Variants in IPO11 observed in about 807,000 individuals in gnomAD.
The protein encoded by IPO11 is importin-11.
In IPO11, 66 loss-of-function variants were observed where a neutral mutation model predicts 143.2. The observed-to-expected ratio is 0.46, with a 90% CI of 0.38 to 0.57. The LOEUF is 0.57. Ranked by LOEUF, IPO11 falls within the 20% of genes least tolerant of loss-of-function variation. The pLI is 0.00. For missense variants in IPO11, 1,026 were observed against 1,141.0 expected (o/e 0.90, Z 1.45); for synonymous variants, 385 against 377.8 (o/e 1.02, Z -0.22).
chr5:62,536,676 T>A (rs757919232), intron 22 of IPO11, 26 bp from the exon 23 acceptor site: 6 of 1,570,092 alleles, frequency 3.8e-6, no homozygotes, highest in Non-Finnish European at 5.1e-6. Flanking sequence ...ATTTGGTTTT[T>A]TGTTTGACAT....
intron 1 of IPO11, among the ~76,000 whole-genome samples, chr5:62,432,377 A>C (rs1052439731): frequency 6.6e-6 from 1 of 152,186 alleles, no homozygotes; most frequent in African/African-American, 2.4e-5. Flanking sequence ...TGCAGCATAT[A>C]GCTGGGGTGT....
intron 7 of IPO11, among the ~76,000 whole-genome samples, chr5:62,470,747 G>A (rs1580216442): frequency 6.8e-6 from 1 of 146,354 alleles, no homozygotes; most frequent in East Asian, 2.0e-4. Flanking sequence ...AAATATATAA[G>A]AGAAAAACCT....
intron 3 of IPO11, among the ~76,000 whole-genome samples, chr5:62,447,783 C>T (rs899437796): frequency 4.6e-5 from 7 of 151,916 alleles, no homozygotes; most frequent in African/African-American, 7.3e-5. Context: ...GACAGGGTTT[C>T]GCCATGTTGA....
At chr5:62,485,962 GT>G (rs1327756448) in intron 12 of IPO11, among the ~76,000 whole-genome samples, 4 of 148,000 alleles carry the variant, frequency 2.7e-5, no homozygotes, top group East Asian at 3.9e-4. Flanking sequence ...TTTAATCTGA[GT>G]TTTTTTTCTT....
At chr5:62,451,976 C>T (rs543921016) in intron 5 of IPO11, 43 bp downstream of exon 5, 15 of 1,526,854 alleles carry the variant, frequency 9.8e-6, no homozygotes, top group African/African-American at 8.2e-5. Context: ...GAAAATTGTG[C>T]GGCCGGGCGT....
At chr5:62,619,709 C>T (rs901153480) in intron 29 of IPO11, among the ~76,000 whole-genome samples, 66 of 151,874 alleles carry the variant, frequency 4.3e-4, no homozygotes, top group Middle Eastern at 3.2e-3. Context: ...AAAAATTAGC[C>T]GGGCACGGTG....
In IPO11 at chr5:62,436,934, A is replaced by G. The variant is rs187715028; in HGVS notation, c.-6-340A>G. Among the ~76,000 whole-genome samples, 22 of 152,362 alleles carry G rather than the reference A, an allele frequency of 1.4e-4. No individual in the cohort carries two copies. In the East Asian group the frequency reaches 4.2e-3, roughly 29 times the overall value. On this transcript the variant is annotated intron_variant, in intron 1 of 29. Transcript: ENST00000325324. The stretch of plus-strand genomic sequence containing the variant: ...CTCCTTTTTAAAACGAAGACAGAAG[A>G]CATTATGCTTAGTCTTGGGCACGTA...
intron 20 of IPO11, among the ~76,000 whole-genome samples, chr5:62,519,237 ATTTTT>A (rs200974974): frequency 6.6e-6 from 1 of 151,592 alleles, no homozygotes; most frequent in South Asian, 2.1e-4. Context: ...AGTACATTTT[ATTTTT>A]TTTTAAGGTT....
chr5:62,584,177 T>A (rs1403767070), intron 27 of IPO11, among the ~76,000 whole-genome samples: 1 of 152,152 alleles, frequency 6.6e-6, no homozygotes, highest in Non-Finnish European at 1.5e-5. Flanking sequence ...TATCTCTTAT[T>A]TCTGGGATGT....
chr5:62,576,559 G>A (rs763413651), intron 27 of IPO11, among the ~76,000 whole-genome samples: 1 of 152,182 alleles, frequency 6.6e-6, no homozygotes, highest in Non-Finnish European at 1.5e-5. Flanking sequence ...GGGAGGCCAA[G>A]GTGGGAGGAT....
At chr5:62,478,237 C>G (rs1448325725) in intron 9 of IPO11, among the ~76,000 whole-genome samples, 1 of 152,146 alleles carries the variant, frequency 6.6e-6, no homozygotes, top group Admixed American at 6.6e-5. Context: ...GTGATCTTGA[C>G]TCACTGCAGC....
intron 16 of IPO11, among the ~76,000 whole-genome samples, chr5:62,501,374 CTG>C (rs1419774514): frequency 1.3e-5 from 2 of 152,204 alleles, no homozygotes; most frequent in South Asian, 2.1e-4. Context: ...ATAAAATAAT[CTG>C]TGTTTGAGAC....
At chr5:62,474,495 G>A (rs570549952) in intron 8 of IPO11, 31 bp downstream of exon 8, 3 of 1,502,742 alleles carry the variant, frequency 2.0e-6, no homozygotes, top group Middle Eastern at 1.7e-4. Context: ...CCTTTTTACT[G>A]TAGAATTTTT....
chr5:62,549,674 C>G (rs1252243155), intron 24 of IPO11, among the ~76,000 whole-genome samples: 1 of 152,078 alleles, frequency 6.6e-6, no homozygotes, highest in Admixed American at 6.6e-5. Flanking sequence ...GTTTCGTGAC[C>G]ACTGCATTCT....
intron 27 of IPO11, among the ~76,000 whole-genome samples, chr5:62,589,901 A>T (rs1168563167): frequency 2.0e-5 from 3 of 152,226 alleles, no homozygotes; most frequent in Non-Finnish European, 4.4e-5. Flanking sequence ...TGGGAAGCCT[A>T]GAAACTGAGA....
At chr5:62,445,737 G>A (rs1267913531) in intron 3 of IPO11, among the ~76,000 whole-genome samples, 2 of 152,082 alleles carry the variant, frequency 1.3e-5, no homozygotes, top group Non-Finnish European at 2.9e-5. Flanking sequence ...AGGTAAGTTA[G>A]GCTAAGATAA....
chr5:62,448,841 G>C (rs1057309761), intron 3 of IPO11, among the ~76,000 whole-genome samples: 3 of 152,200 alleles, frequency 2.0e-5, no homozygotes, highest in Non-Finnish European at 4.4e-5. Context: ...TTACAGGCAT[G>C]AGCCACGACG....
chr5:62,566,389 G>GT (rs759092790), intron 27 of IPO11, among the ~76,000 whole-genome samples: 5 of 151,934 alleles, frequency 3.3e-5, no homozygotes, highest in Non-Finnish European at 7.4e-5. Flanking sequence ...ATGATGTTGA[G>GT]TTTTTTTTCA....
chr5:62,423,807 T>C (rs1486568950), intron 1 of IPO11, among the ~76,000 whole-genome samples: 2 of 152,212 alleles, frequency 1.3e-5, no homozygotes, highest in African/African-American at 2.4e-5. Flanking sequence ...TTCTTTAAGT[T>C]TTCTAATATA....
Sources: allele counts gnomAD v4.1 joint callset (sites outside exome capture counted in the v4.1 genomes callset), GRCh38; gene constraint gnomAD v4.1.1; transcripts MANE v1.5; gene names NCBI Gene and HGNC (gene_info 2026-07-23, HGNC 2026-07-21).